OR51B5: variants seen among roughly 807,000 people sequenced by gnomAD.
OR51B5 encodes olfactory receptor family 51 subfamily B member 5.
For missense variants in OR51B5, 456 were observed against 374.6 expected, an observed-to-expected ratio of 1.22 and a Z score of -1.79; for synonymous variants, 186 against 144.8, an observed-to-expected ratio of 1.28 and a Z score of -2.04.
intron 1 of OR51B5, among the ~76,000 whole-genome samples, chr11:5,397,435 A>C (rs901917466): frequency 2.0e-5 from 3 of 152,016 alleles, no homozygotes; most frequent in Non-Finnish European, 2.9e-5. Context: ...ATGCAGCCAA[A>C]AGACACATGA....
chr11:5,487,511 A>G (rs1590024885), intron 1 of OR51B5, among the ~76,000 whole-genome samples: 3 of 152,294 alleles, frequency 2.0e-5, no homozygotes, highest in East Asian at 1.9e-4. Context: ...GACTGTCCAG[A>G]TAAGTAAGAG....
chr11:5,367,525 G>C (rs917672229), intron 1 of OR51B5, among the ~76,000 whole-genome samples: 4 of 152,178 alleles, frequency 2.6e-5, no homozygotes, highest in African/African-American at 9.7e-5. Context: ...GTGCTGGTGG[G>C]AGAGTAGCAG....
chr11:5,463,818 C>T lies in OR51B5; in HGVS notation n.84+41751G>A, dbSNP rs572117903. On this transcript the variant is annotated intron_variant and non_coding_transcript_variant, in intron 1 of 4. Coordinates refer to the OR51B5 transcript ENST00000415970. ...CTAAAGAGATACAGGAGGGATATGT[C>T]AACATATCCTGAGATTTGTTTGCTA... Among the ~76,000 whole-genome samples, 10 of 152,308 alleles carry T rather than the reference C, an allele frequency of 6.6e-5. No individual in the cohort carries two copies. In the East Asian group the frequency reaches 1.9e-3, roughly 29 times the overall value.
intron 1 of OR51B5, among the ~76,000 whole-genome samples, chr11:5,460,647 G>A (rs773846934): frequency 9.9e-5 from 15 of 152,230 alleles, no homozygotes; most frequent in African/African-American, 2.9e-4. Context: ...TAGGTAAGAC[G>A]ACACTCTGGC....
At chr11:5,409,497 A>AG (rs1850110625) in intron 1 of OR51B5, among the ~76,000 whole-genome samples, 1 of 88,522 alleles carries the variant, frequency 1.1e-5, no homozygotes, top group Non-Finnish European at 2.6e-5. Context: ...ATTCAATGCA[A>AG]ATTCTAGAAC....
chr11:5,353,479 G>A, intron 1 of OR51B5, among the ~76,000 whole-genome samples: 1 of 99,128 alleles, frequency 1.0e-5, no homozygotes, highest in Non-Finnish European at 2.4e-5. Context: ...TATGTGGAGA[G>A]TGGGGAGGAA....
intron 1 of OR51B5, chr11:5,455,527 T>G (rs1850938843): frequency 1.1e-5 from 1 of 92,634 alleles, no homozygotes; most frequent in Non-Finnish European, 2.1e-5. Context: ...TACTTGTAGA[T>G]CAAAAGAGAG....
At chr11:5,396,094 G>C (rs568051896) in intron 1 of OR51B5, among the ~76,000 whole-genome samples, 1 of 152,144 alleles carries the variant, frequency 6.6e-6, no homozygotes, top group East Asian at 1.9e-4. Context: ...TTGTAATACA[G>C]ATCTGGTCCC....
At chr11:5,505,090 T>A (rs1287111078) in intron 1 of OR51B5, among the ~76,000 whole-genome samples, 2 of 152,224 alleles carry the variant, frequency 1.3e-5, no homozygotes, top group African/African-American at 4.8e-5. Context: ...ATAAAAACAG[T>A]AACATTTCTT....
intron 1 of OR51B5, chr11:5,454,289 T>A (rs900376503): frequency 6.2e-7 from 1 of 1,614,110 alleles, no homozygotes; most frequent in Non-Finnish European, 8.5e-7. Context: ...TTGGGAAGCA[T>A]GTCCCATGCT....
At chr11:5,460,007 A>C (rs1221637782) in intron 1 of OR51B5, among the ~76,000 whole-genome samples, 6 of 152,236 alleles carry the variant, frequency 3.9e-5, no homozygotes, top group African/African-American at 7.2e-5. Flanking sequence ...CTGGATAATG[A>C]AAATATCAAA....
intron 1 of OR51B5, among the ~76,000 whole-genome samples, chr11:5,377,340 C>G (rs1204075476): frequency 1.3e-5 from 2 of 152,058 alleles, no homozygotes; most frequent in East Asian, 1.9e-4. Context: ...TATGACAAAC[C>G]CACAGCCAAT....
intron 1 of OR51B5, among the ~76,000 whole-genome samples, chr11:5,368,179 A>C (rs1249908415): frequency 6.6e-6 from 1 of 152,132 alleles, no homozygotes; most frequent in Non-Finnish European, 1.5e-5. Context: ...AAATCCTGTT[A>C]AGTGTTCTGT....
intron 1 of OR51B5, among the ~76,000 whole-genome samples, chr11:5,434,455 G>A (rs141569171): frequency 6.6e-6 from 1 of 152,138 alleles, no homozygotes; most frequent in Non-Finnish European, 1.5e-5. Context: ...ATGTAGCCTA[G>A]GTTTTGGGGC....
intron 1 of OR51B5, among the ~76,000 whole-genome samples, chr11:5,379,600 T>C (rs143814233): frequency 1.8e-3 from 268 of 152,278 alleles, no homozygotes; most frequent in African/African-American, 6.0e-3. Flanking sequence ...GGCATACATT[T>C]GTTGTTTATG....
At chr11:5,488,826 A>C in intron 1 of OR51B5, 1 of 1,614,018 alleles carries the variant, frequency 6.2e-7, no homozygotes, top group Non-Finnish European at 8.5e-7. Context: ...TGTATCTTGT[A>C]GCACTGGTTG....
chr11:5,346,367 C>G (rs972738242), upstream of OR51B5: 2 of 151,272 alleles, frequency 1.3e-5, no homozygotes, highest in African/African-American at 4.9e-5. Flanking sequence ...AGAAGAAAGA[C>G]AATGAGAGAA....
At chr11:5,404,756 C>T (rs1351225648) in intron 1 of OR51B5, among the ~76,000 whole-genome samples, 5 of 152,204 alleles carry the variant, frequency 3.3e-5, no homozygotes, top group Admixed American at 3.3e-4. Context: ...TGCAGCTTCA[C>T]TCCTGAAGTC....
chr11:5,450,316 G>C (rs972115563), intron 1 of OR51B5, among the ~76,000 whole-genome samples: 2 of 152,142 alleles, frequency 1.3e-5, no homozygotes, highest in Non-Finnish European at 2.9e-5. Context: ...CTGAACCTGG[G>C]AGACAGAGGT....
Sources: gnomAD v4.1 joint callset for allele counts (sites outside exome capture counted in the v4.1 genomes callset) on GRCh38, gnomAD v4.1.1 for gene constraint, MANE v1.5 for transcripts, NCBI Gene and HGNC (gene_info 2026-07-23, HGNC 2026-07-21) for gene names.